Variants in TRIML2 observed in about 807,000 individuals in gnomAD.
TRIML2 encodes the protein probable E3 ubiquitin-protein ligase TRIML2.
Under a neutral mutation model 31.2 loss-of-function variants are expected in TRIML2, and 28 were observed. The ratio of observed to expected loss-of-function variants is 0.90; its 90% confidence interval spans 0.66 to 1.23. The LOEUF is 1.23. TRIML2 is among the 50% of genes most tolerant of loss of function. TRIML2 has a pLI of 0.00. For missense variants in TRIML2, 536 were observed against 528.3 expected, an observed-to-expected ratio of 1.01 and a Z score of -0.14; for synonymous variants, 187 against 197.5, an observed-to-expected ratio of 0.95 and a Z score of 0.45.
chr4:188,102,216 G>A (rs1733828670), intron 3 of TRIML2, among the ~76,000 whole-genome samples: 1 of 151,950 alleles, frequency 6.6e-6, no homozygotes, highest in Non-Finnish European at 1.5e-5. Flanking sequence ...AGGAGACCAG[G>A]ACATTGGAAA....
intron 7 of TRIML2, among the ~76,000 whole-genome samples, chr4:188,094,529 C>T (rs913832888): frequency 2.0e-5 from 3 of 152,102 alleles, no homozygotes; most frequent in East Asian, 3.9e-4. Context: ...TTTTAAAATA[C>T]CGTTTACAGT....
intron 5 of TRIML2, among the ~76,000 whole-genome samples, chr4:188,097,736 G>C (rs1294820084): frequency 2.6e-5 from 4 of 152,272 alleles, no homozygotes; most frequent in African/African-American, 9.6e-5. Context: ...CTCAAGAACT[G>C]AGCTGCTTCC....
At position 188,097,129 on chromosome 4, in the gene TRIML2, G is replaced by T. The variant is rs748948467; in HGVS notation, c.677C>A (p.Pro226His). 1 of 1,614,008 alleles carries T rather than the reference G, an allele frequency of 6.2e-7. No homozygotes were observed. The highest frequency in any genetic ancestry group is 8.5e-7 in the Non-Finnish European group (1 of 1,179,980). Residue 226 changes from proline (P) to histidine (H), a missense_variant, in exon 7 of 8, where the codon CCC becomes CAC. Coordinates refer to ENST00000682553, the MANE Select transcript of TRIML2 (RefSeq NM_173553.4). ...TAAACTCAGGTCTGTGATATGAGCG[G>T]GCTCCAGATGCTCAAGCAGCAGTGA... is the stretch of plus-strand genomic sequence containing the variant. Reference protein sequence around the residue: ...SKSLLLEHLEPAHITDLSLCH... With the variant: ...SKSLLLEHLEHAHITDLSLCH...
chr4:188,096,428 A>G (rs1032322257), intron 7 of TRIML2, among the ~76,000 whole-genome samples: 5 of 140,332 alleles, frequency 3.6e-5, no homozygotes, highest in Non-Finnish European at 6.1e-5. Flanking sequence ...GCTACTTGGG[A>G]GGCCGAGGCA....
At chr4:188,093,067 A>G (rs1185227747) in intron 7 of TRIML2, 6 of 347,568 alleles carry the variant, frequency 1.7e-5, no homozygotes, top group Middle Eastern at 8.4e-4. Flanking sequence ...AACATAACAC[A>G]CCCAAAATGG....
chr4:188,100,859 A>C (rs934090601), intron 4 of TRIML2, among the ~76,000 whole-genome samples, 197 bp downstream of exon 4: 1 of 152,210 alleles, frequency 6.6e-6, no homozygotes, highest in Non-Finnish European at 1.5e-5. Flanking sequence ...ATATATTTAT[A>C]GGTATATTGT....
chr4:188,108,303 G>A (rs1247273415), intron 1 of TRIML2, among the ~76,000 whole-genome samples: 2 of 152,140 alleles, frequency 1.3e-5, no homozygotes, highest in Non-Finnish European at 1.5e-5. Context: ...GCAATAGAAT[G>A]TCTAAGGAGC....
At chr4:188,097,004 C>G in intron 7 of TRIML2, 57 bp downstream of exon 7, 1 of 1,267,680 alleles carries the variant, frequency 7.9e-7, no homozygotes, top group Non-Finnish European at 1.1e-6. Context: ...GCAGGATGGT[C>G]ACCTGATTCT....
At chr4:188,103,789 T>C (rs1349647797) in intron 3 of TRIML2, among the ~76,000 whole-genome samples, 1 of 152,196 alleles carries the variant, frequency 6.6e-6, no homozygotes, top group Non-Finnish European at 1.5e-5. Context: ...GGTGAGCCCC[T>C]AGCACCTTGC....
In TRIML2 at chr4:188,091,799, C is replaced by T. The variant is rs372977648; in HGVS notation, c.888G>A (p.Ala296=). Residue 296 remains alanine, a synonymous_variant, in exon 8 of 8, where the codon GCG becomes GCA. Transcript: ENST00000682553. ...RLDFSAMVLA[A]ESFTSGRHYW... ...AGTGCCTCCCTGAGGTGAAGCTCTCCGCAGCCAGCACCATGGCACTGAAAT... is the reference window on the plus strand; with the variant it reads ...AGTGCCTCCCTGAGGTGAAGCTCTCTGCAGCCAGCACCATGGCACTGAAAT... 9.4e-5 allele frequency: 151 copies of T among 1,614,128 alleles called. No individual in the cohort carries two copies. Among genetic ancestry groups the T allele is most frequent in the South Asian group, 5.7e-4 (52 of 91,078 alleles).
chr4:188,093,610 C>T (rs980312628), intron 7 of TRIML2, among the ~76,000 whole-genome samples: 6 of 151,790 alleles, frequency 4.0e-5, no homozygotes, highest in Admixed American at 1.3e-4. Context: ...TGCAGTGAGC[C>T]GAGATCATGC....
chr4:188,104,637 A>G (rs903947284), intron 3 of TRIML2, among the ~76,000 whole-genome samples, 200 bp downstream of exon 3: 3 of 152,210 alleles, frequency 2.0e-5, no homozygotes, highest in Non-Finnish European at 4.4e-5. Context: ...TGCTGGGATT[A>G]CAGGCGTGAG....
intron 7 of TRIML2, chr4:188,092,957 C>A (rs893346201): frequency 1.3e-5 from 6 of 449,812 alleles, no homozygotes; most frequent in Non-Finnish European, 2.7e-5. Context: ...TCACTGCCCC[C>A]AGGTAACTGT....
At chr4:188,101,313 G>T in intron 3 of TRIML2, 63 bp from the exon 4 acceptor site, 1 of 930,914 alleles carries the variant, frequency 1.1e-6, no homozygotes, top group South Asian at 1.7e-5. Context: ...ACACACACAC[G>T]TCATAATAGA....
intron 3 of TRIML2, among the ~76,000 whole-genome samples, chr4:188,102,090 A>C (rs35493649): frequency 0.16 from 24,475 of 148,624 alleles, 2,975 homozygotes; most frequent in East Asian, 0.56. Context: ...AGATGGCGCC[A>C]CCGCACTCCA....
At chr4:188,099,518 C>T (rs987898442) in intron 4 of TRIML2, among the ~76,000 whole-genome samples, 12 of 150,454 alleles carry the variant, frequency 8.0e-5, no homozygotes, top group African/African-American at 2.5e-4. Flanking sequence ...GAGCCAAGAT[C>T]GTGCCACTGC....
At chr4:188,095,439 A>C (rs1733464625) in intron 7 of TRIML2, among the ~76,000 whole-genome samples, 1 of 152,232 alleles carries the variant, frequency 6.6e-6, no homozygotes, top group East Asian at 1.9e-4. Context: ...CATACAACCC[A>C]ATTTAGAAAA....
At chr4:188,099,587 C>A (rs1733681228) in intron 4 of TRIML2, among the ~76,000 whole-genome samples, 1 of 147,508 alleles carries the variant, frequency 6.8e-6, no homozygotes, top group African/African-American at 2.5e-5. Context: ...AAAACCAAAA[C>A]CAAAAAAAAA....
At chr4:188,109,116 AT>A (rs1734144039) in intron 1 of TRIML2, 126 bp downstream of exon 1, 1 of 150,526 alleles carries the variant, frequency 6.6e-6, no homozygotes, top group Admixed American at 6.7e-5. Context: ...TTTTCCTAAT[AT>A]TTTTCTTCAG....
Sources: allele counts gnomAD v4.1 joint callset (sites outside exome capture counted in the v4.1 genomes callset), GRCh38; gene constraint gnomAD v4.1.1; transcripts MANE v1.5; gene names NCBI Gene and HGNC (gene_info 2026-07-23, HGNC 2026-07-21).